The following SUMF1 variants were observed in gnomAD, a reference collection of about 807,000 sequenced individuals.
SUMF1 encodes formylglycine-generating enzyme.
A neutral mutation model predicts 47.6 loss-of-function variants in SUMF1; 48 were observed. The observed-to-expected ratio is 1.01, with a 90% CI of 0.80 to 1.28. The LOEUF (loss-of-function observed/expected upper bound fraction) is 1.28. Among genes scored for constraint, SUMF1 ranks in the 50% most tolerant of loss-of-function variants. The pLI, the probability that SUMF1 is intolerant of heterozygous loss-of-function variation, is 0.00. For missense variants in SUMF1, 571 were observed against 485.4 expected, an observed-to-expected ratio of 1.18 and a Z score of -1.66; for synonymous variants, 230 against 192.1, an observed-to-expected ratio of 1.20 and a Z score of -1.63.
At chr3:4,078,587 T>C (rs1692490400) in intron 8 of SUMF1, among the ~76,000 whole-genome samples, 1 of 151,966 alleles carries the variant, frequency 6.6e-6, no homozygotes, top group Admixed American at 6.6e-5. Flanking sequence ...TTTGCATACA[T>C]TAACTCATTT....
rs142281337 is a variant in SUMF1 at position 4,299,006 on chromosome 3, G to C, written c.1014+77324C>G. On this transcript the variant is annotated intron_variant and NMD_transcript_variant, in intron 8 of 12. Coordinates refer to the SUMF1 transcript ENST00000448413. ...CCCCTGCTAAAAGTAATCTTTACCA[G>C]TTCTAAAGATCCATAGCACTTTACC... Among the ~76,000 whole-genome samples, 318 of 152,190 alleles carry C rather than the reference G, an allele frequency of 2.1e-3. 3 individuals carry two copies. Among genetic ancestry groups the C allele is most frequent in the Non-Finnish European group, 3.8e-3 (261 of 68,012 alleles).
chr3:4,145,446 G>C (rs1257432242), intron 8 of SUMF1, among the ~76,000 whole-genome samples: 2 of 152,084 alleles, frequency 1.3e-5, no homozygotes, highest in African/African-American at 4.8e-5. Context: ...TTAATACTCT[G>C]CTAAATCCTA....
At chr3:4,224,106 A>C (rs1399445102) in intron 8 of SUMF1, among the ~76,000 whole-genome samples, 1 of 152,156 alleles carries the variant, frequency 6.6e-6, no homozygotes, top group African/African-American at 2.4e-5. Flanking sequence ...TGAGGGGAAC[A>C]GTGCAAGGAC....
At chr3:4,398,353 G>C (rs1215101594) in intron 7 of SUMF1, among the ~76,000 whole-genome samples, 2 of 152,028 alleles carry the variant, frequency 1.3e-5, no homozygotes, top group Non-Finnish European at 2.9e-5. Flanking sequence ...ACTTCTACGT[G>C]TGGATATGCA....
intron 4 of SUMF1, among the ~76,000 whole-genome samples, chr3:4,419,694 A>G (rs17685399): frequency 0.017 from 2,526 of 152,276 alleles, 25 homozygotes; most frequent in Admixed American, 0.022. Flanking sequence ...ACAATTACTT[A>G]TCCATAAGAC....
chr3:4,265,266 A>C (rs893600388), intron 8 of SUMF1, among the ~76,000 whole-genome samples: 3 of 152,130 alleles, frequency 2.0e-5, no homozygotes, highest in African/African-American at 7.2e-5. Context: ...GTTTTCTAAG[A>C]ATCTCAATGT....
In SUMF1 at chr3:4,452,996, TA is replaced by T. The variant is rs1559309659; in HGVS notation, c.323del (p.Ile108LysfsTer33). The T allele has an allele frequency of 6.2e-7, 1 of 1,614,160 alleles. No individual in the cohort carries two copies. Among genetic ancestry groups the T allele is most frequent in the Admixed American group, 1.7e-5 (1 of 60,030 alleles). Reference protein sequence around the residue: ...VFTMGTDDPQIKQDGEAPARR... With the variant: ...VFTMGTDDPQXKQDGEAPARR... ...TCGCAGGTGCTTCCCCATCCTGCTT[TA>T]TCTGAGGATCATCTGTGCCCATTGT... On this transcript the variant is annotated frameshift_variant, in exon 2 of 9. Transcript: ENST00000272902. LOFTEE classifies it high-confidence loss of function.
intron 8 of SUMF1, chr3:4,317,682 T>C (rs1698719695): frequency 1.9e-5 from 3 of 155,390 alleles, no homozygotes; most frequent in African/African-American, 7.2e-5. Flanking sequence ...TAGATTTTGT[T>C]CTTGGCCAAA....
chr3:4,082,362 G>A lies in SUMF1; in HGVS notation c.1015-13617C>T, dbSNP rs564120377. ...ATGCACCCTGTGGTCCCAGCTACTC[G>A]AGAGGCTGAATTGGGAGAATCGCTT... On this transcript the variant is annotated intron_variant and NMD_transcript_variant, in intron 8 of 12. Coordinates refer to the SUMF1 transcript ENST00000448413. 5.9e-5 allele frequency among the ~76,000 whole-genome samples: 9 copies of A among 152,120 alleles called. No individual in the cohort carries two copies. In the South Asian group the frequency reaches 6.2e-4, roughly 11 times the overall value.
intron 8 of SUMF1, among the ~76,000 whole-genome samples, chr3:4,117,807 C>T (rs1287381779): frequency 6.6e-6 from 1 of 152,050 alleles, no homozygotes; most frequent in Non-Finnish European, 1.5e-5. Context: ...AAAACAGATA[C>T]ATTAAGTACT....
intron 7 of SUMF1, among the ~76,000 whole-genome samples, chr3:4,402,025 AG>A (rs1160134507): frequency 6.6e-6 from 1 of 152,194 alleles, no homozygotes; most frequent in Non-Finnish European, 1.5e-5. Context: ...AATATGTTGC[AG>A]AAAAACAAGA....
Position 4,241,659 on chromosome 3 carries a change from G to A in SUMF1, c.1014+134671C>T, listed in dbSNP as rs1696539848. ...GCCTCCATAGCCACTTAAAAATGAA[G>A]CAGCAGCGTTGTCTGGGGTAAATAC... On this transcript the variant is annotated intron_variant and NMD_transcript_variant, in intron 8 of 12. Coordinates refer to the SUMF1 transcript ENST00000448413. 2.0e-5 allele frequency among the ~76,000 whole-genome samples: 3 copies of A among 152,258 alleles called. No individual in the cohort carries two copies. In the South Asian group the frequency reaches 6.2e-4, roughly 32 times the overall value.
intron 8 of SUMF1, among the ~76,000 whole-genome samples, chr3:4,369,909 T>C (rs1700118568): frequency 6.6e-6 from 1 of 152,192 alleles, no homozygotes; most frequent in Non-Finnish European, 1.5e-5. Flanking sequence ...GGTTTAATTA[T>C]TCACTGAATA....
At chr3:4,383,508 G>C (rs553113853) in intron 7 of SUMF1, among the ~76,000 whole-genome samples, 1 of 152,172 alleles carries the variant, frequency 6.6e-6, no homozygotes, top group African/African-American at 2.4e-5. Flanking sequence ...GTGGTGGCAC[G>C]GGGCAATTCT....
At chr3:4,380,858 A>G (rs1301361285) in intron 7 of SUMF1, among the ~76,000 whole-genome samples, 1 of 152,204 alleles carries the variant, frequency 6.6e-6, no homozygotes, top group Non-Finnish European at 1.5e-5. Context: ...AACACTCAGC[A>G]TTAGTGCAGA....
intron 8 of SUMF1, among the ~76,000 whole-genome samples, chr3:4,321,754 G>C (rs1397719874): frequency 6.6e-6 from 1 of 152,032 alleles, no homozygotes; most frequent in Non-Finnish European, 1.5e-5. Context: ...CACGAAAAGG[G>C]GGACCATAAA....
chr3:4,138,637 T>C lies in SUMF1; in HGVS notation c.1015-69892A>G, dbSNP rs112444618. On this transcript the variant is annotated intron_variant and NMD_transcript_variant, in intron 8 of 12. Coordinates refer to the SUMF1 transcript ENST00000448413. ...GTATTGTCACACATCACAGCTAGGA[T>C]GAGGTAACGCCATCCAGGACTCCAT... Among the ~76,000 whole-genome samples the C allele has an allele frequency of 2.1e-4, 32 of 152,236 alleles. 1 individual carries two copies. The highest frequency in any genetic ancestry group is 7.5e-4 in the African/African-American group (31 of 41,544).
chr3:4,281,029 TG>T (rs896529346), intron 8 of SUMF1, among the ~76,000 whole-genome samples: 5 of 151,514 alleles, frequency 3.3e-5, no homozygotes, highest in African/African-American at 9.7e-5. Flanking sequence ...CATCTTTGAG[TG>T]GGGTAACAGT....
chr3:4,326,101 C>T (rs1029006588), intron 8 of SUMF1, among the ~76,000 whole-genome samples: 2 of 152,176 alleles, frequency 1.3e-5, no homozygotes. Flanking sequence ...GGATTACAGG[C>T]GTGAGCCACA....
Sources: allele counts gnomAD v4.1 joint callset (sites outside exome capture counted in the v4.1 genomes callset), GRCh38; gene constraint gnomAD v4.1.1; transcripts MANE v1.5; gene names NCBI Gene and HGNC (gene_info 2026-07-23, HGNC 2026-07-21).